Variants in MACF1 observed in about 807,000 individuals in gnomAD.
MACF1 encodes microtubule-actin cross-linking factor 1.
MACF1 carries 193 observed loss-of-function variants against 854.8 expected under a neutral mutation model. The observed-to-expected ratio is 0.23, with a 90% CI of 0.20 to 0.25. The LOEUF (loss-of-function observed/expected upper bound fraction) is 0.25, where lower values mean the gene tolerates loss of function less well. Ranked by LOEUF, MACF1 falls within the 10% of genes least tolerant of loss-of-function variation. MACF1 has a pLI of 1.00. For synonymous variants in MACF1, 3,185 were observed against 3,226.7 expected (o/e 0.99, Z 0.44); for missense variants, 7,722 against 8,929.1 (o/e 0.86, Z 5.45).
At position 39,187,895 on chromosome 1, in the gene MACF1, T is replaced by TCTCTCTCTCTCTCTCTCTCTCTC. The variant is rs1553160213; in HGVS notation, c.221-43280_221-43279insTCTCTCTCTCTCTCTCCTCTCTC. ...CTCTCTCTCTCTGTCTCTCTCTCTC[T>TCTCTCTCTCTCTCTCTCTCTCTC]CTCTCTCCTCTCTCCTTCCTTCCTT... On this transcript the variant is annotated intron_variant, in intron 2 of 93. Coordinates refer to the MACF1 transcript ENST00000361689. Among the ~76,000 whole-genome samples the TCTCTCTCTCTCTCTCTCTCTCTC allele has an allele frequency of 1.8e-4, 12 of 68,468 alleles. 1 individual carries two copies. In the South Asian group the frequency reaches 8.7e-3, roughly 50 times the overall value. The allele number at this position is 68,468 out of a possible 152,430, so 44.9% of individuals were successfully genotyped here. A position where few individuals can be genotyped will look rare whatever the true frequency, so the allele number is the denominator to read the frequency against.
chr1:39,086,754 A>G (rs944096743), intron 2 of MACF1, among the ~76,000 whole-genome samples: 1 of 152,272 alleles, frequency 6.6e-6, no homozygotes, highest in African/African-American at 2.4e-5. Context: ...TTAATTTTAC[A>G]CAGGCAAGGC....
intron 15 of MACF1, among the ~76,000 whole-genome samples, chr1:39,288,163 G>A (rs1645684687): frequency 2.0e-5 from 3 of 152,130 alleles, no homozygotes; most frequent in African/African-American, 7.2e-5. Flanking sequence ...TATCCTTTGT[G>A]TTACAGACAA....
intron 6 of MACF1, 86 bp downstream of exon 6, chr1:39,258,114 C>A (rs1420902722): frequency 5.9e-6 from 6 of 1,019,458 alleles, no homozygotes; most frequent in Admixed American, 1.8e-5. Flanking sequence ...CAGCATTGAG[C>A]CTTCCTTCTC....
intron 2 of MACF1, 141 bp from the exon 3 acceptor site, chr1:39,249,872 AC>A: frequency 3.8e-6 from 2 of 520,850 alleles, no homozygotes; most frequent in East Asian, 6.2e-5. Context: ...CCAATCTGAA[AC>A]TTCCTGAATT....
intron 95 of MACF1, among the ~76,000 whole-genome samples, chr1:39,466,243 G>T (rs1353724210): frequency 6.6e-6 from 1 of 152,170 alleles, no homozygotes; most frequent in Non-Finnish European, 1.5e-5. Flanking sequence ...TTTGTTCTTT[G>T]CCTCACTGAC....
At chr1:39,191,057 C>G (rs1340126743) in intron 2 of MACF1, among the ~76,000 whole-genome samples, 1 of 152,100 alleles carries the variant, frequency 6.6e-6, no homozygotes, top group Non-Finnish European at 1.5e-5. Flanking sequence ...TAATAGTTTT[C>G]TTCCCAGGCA....
At position 39,441,981 on chromosome 1, in the gene MACF1, G is replaced by A; in HGVS notation, c.18702G>A (p.Val6234=). The A allele has an allele frequency of 9.9e-6, 16 of 1,614,082 alleles. No individual in the cohort carries two copies. The highest frequency in any genetic ancestry group is 1.3e-5 in the Non-Finnish European group (15 of 1,179,986). Residue 6234 remains valine, a synonymous_variant, in exon 75 of 101, where the codon GTG becomes GTA. Coordinates refer to ENST00000564288, the MANE Select transcript of MACF1 (RefSeq NM_001394062.1). ...TGTTTGACTGGCTAGATAACACTGT[G>A]ATTAAACTCTGCACCATGCCCCCTG... is the stretch of plus-strand genomic sequence containing the variant. ...QAMFDWLDNT[V]IKLCTMPPVG... is the part of the protein sequence containing the mutation.
In MACF1 at chr1:39,269,148, C is replaced by G. The variant is rs1008326641; in HGVS notation, c.528+11120C>G. 6 of 1,289,710 alleles carry G rather than the reference C, an allele frequency of 4.7e-6. No homozygotes were observed. In the Admixed American group the frequency reaches 1.1e-4, roughly 25 times the overall value. The allele number at this position is 1,289,710 out of a possible 1,614,324, so 79.9% of individuals were successfully genotyped here. On this transcript the variant is annotated intron_variant, in intron 6 of 100. Coordinates refer to ENST00000564288, the MANE Select transcript of MACF1 (RefSeq NM_001394062.1). The stretch of plus-strand genomic sequence containing the variant: ...TGTCATTGCTCACCTGCTTGATAAC[C>G]CAGCAGAAAGGAACTGCGAGAAGTC...
At position 39,388,572 on chromosome 1, in the gene MACF1, A is replaced by G. The variant is rs1170708534; in HGVS notation, c.15730A>G (p.Thr5244Ala). The G allele has an allele frequency of 2.5e-6, 4 of 1,614,108 alleles. No homozygotes were observed. The African/African-American group carries it at 4.0e-5, about 16-fold the overall frequency. Residue 5244 changes from threonine (T) to alanine (A), a missense_variant, in exon 58 of 101, where the codon ACC (threonine) becomes GCC (alanine). Physicochemically the swap from Thr to Ala is moderately conservative, Grantham distance 58 (BLOSUM62 0). Transcript: ENST00000564288. ...YRKLKGLNDATTAAEEAEALQ... is the reference protein window; with the variant it reads ...YRKLKGLNDAATAAEEAEALQ... ...GAAATTGAAAGGACTCAATGACGCG[A>G]CCACAGCAGCAGAGGAGGCAGAGGC...
At chr1:39,484,532 C>T in intron 99 of MACF1, 69 bp from the exon 100 acceptor site, 1 of 1,462,334 alleles carries the variant, frequency 6.8e-7, no homozygotes, top group South Asian at 1.3e-5. Context: ...GTAAGGAGAC[C>T]TTTTAAAGTT....
At chr1:39,423,431 C>G (rs190534398) in intron 60 of MACF1, among the ~76,000 whole-genome samples, 5 of 151,824 alleles carry the variant, frequency 3.3e-5, no homozygotes, top group Non-Finnish European at 2.9e-5. Context: ...GTCAGGAGAT[C>G]GAGACCATCC....
At chr1:39,270,122 A>C (rs1645288365) in intron 6 of MACF1, among the ~76,000 whole-genome samples, 1 of 152,192 alleles carries the variant, frequency 6.6e-6, no homozygotes, top group South Asian at 2.1e-4. Context: ...CTCTGGAATA[A>C]ATGTGGAAGG....
Position 39,260,131 on chromosome 1 carries a change from A to G in MACF1, c.528+2103A>G, listed in dbSNP as rs868285719. Reference sequence around the variant, plus strand: ...TTATTATTCTTTTTAATAAAATCAAATAGCTCCATCTTTGGCTGTAAAGAG... The same window carrying G: ...TTATTATTCTTTTTAATAAAATCAAGTAGCTCCATCTTTGGCTGTAAAGAG... On this transcript the variant is annotated intron_variant, in intron 6 of 100. Transcript: ENST00000564288. Among the ~76,000 whole-genome samples, 48 of 152,260 alleles carry G rather than the reference A, an allele frequency of 3.2e-4. 1 individual carries two copies. Among genetic ancestry groups the G allele is most frequent in the Middle Eastern group, 3.4e-3 (1 of 294 alleles).
intron 23 of MACF1, among the ~76,000 whole-genome samples, chr1:39,308,899 GC>G (rs1336257631): frequency 6.6e-6 from 1 of 151,994 alleles, no homozygotes; most frequent in Admixed American, 6.6e-5. Context: ...CAGGTGATCT[GC>G]CCGCCTCAGC....
intron 23 of MACF1, chr1:39,304,313 A>G: frequency 1.4e-6 from 1 of 690,478 alleles, no homozygotes; most frequent in African/African-American, 1.8e-5. Context: ...GTGCTTTCCA[A>G]GAATGTCACC....
intron 80 of MACF1, among the ~76,000 whole-genome samples, chr1:39,445,497 T>C (rs1644208652): frequency 6.6e-6 from 1 of 152,192 alleles, no homozygotes; most frequent in Non-Finnish European, 1.5e-5. Flanking sequence ...CTGTGCCTGA[T>C]TTATGGTGGA....
chr1:39,244,581 A>ATT lies in MACF1; in HGVS notation c.172-5420_172-5419dup, dbSNP rs35814123. Among the ~76,000 whole-genome samples the ATT allele has an allele frequency of 1.9e-3, 271 of 139,146 alleles. 1 individual carries two copies. Among genetic ancestry groups the ATT allele is most frequent in the African/African-American group, 6.6e-3 (250 of 37,920 alleles). 91.3% of individuals were successfully genotyped at this position (139,146 alleles called of 152,430 possible). A position where few individuals can be genotyped will look rare whatever the true frequency, so the allele number is the denominator to read the frequency against. ...CAGGTGTGAGCCACTGCACCCAGCCATTTTTTTTTTTTTTGAAATGGAGTC... is the reference window on the plus strand; with the variant it reads ...CAGGTGTGAGCCACTGCACCCAGCCATTTTTTTTTTTTTTTTGAAATGGAGTC... On this transcript the variant is annotated intron_variant, in intron 2 of 100. Transcript: ENST00000564288.
chr1:39,265,596 T>C (rs926107513), intron 6 of MACF1, among the ~76,000 whole-genome samples: 1 of 152,234 alleles, frequency 6.6e-6, no homozygotes, highest in African/African-American at 2.4e-5. Flanking sequence ...ACACAAAGCC[T>C]GTTTGATAGT....
chr1:39,463,008 C>T (rs1570170047), intron 93 of MACF1, among the ~76,000 whole-genome samples: 1 of 152,132 alleles, frequency 6.6e-6, no homozygotes, highest in African/African-American at 2.4e-5. Context: ...GATTTTGATG[C>T]AAGCATATTA....
Sources: gnomAD v4.1 joint callset for allele counts (sites outside exome capture counted in the v4.1 genomes callset) on GRCh38, gnomAD v4.1.1 for gene constraint, MANE v1.5 for transcripts, NCBI Gene and HGNC (gene_info 2026-07-23, HGNC 2026-07-21) for gene names.